The following MAST4 variants were observed in gnomAD, a reference collection of about 807,000 sequenced individuals.
The protein encoded by MAST4 is microtubule-associated serine/threonine-protein kinase 4.
MAST4 carries 89 observed loss-of-function variants against 162.7 expected under a neutral mutation model. The observed-to-expected ratio is 0.55, with a 90% CI of 0.46 to 0.65. MAST4 has a LOEUF of 0.65. Among genes scored for constraint, MAST4 ranks in the 30% least tolerant of loss-of-function variants. The pLI is 0.00. For synonymous variants in MAST4, 1,479 were observed against 1,361.1 expected (o/e 1.09, Z -1.91); for missense variants, 3,153 against 3,374.0 (o/e 0.93, Z 1.62).
intron 5 of MAST4, among the ~76,000 whole-genome samples, chr5:67,069,287 G>GATAGATATATATATATATAT (rs1554091653): frequency 8.4e-5 from 9 of 107,648 alleles, no homozygotes; most frequent in African/African-American, 3.7e-4. Flanking sequence ...GAGGAGATTG[G>GATAGATATATATATATATAT]ATATATATAT....
In MAST4 at chr5:67,142,403, C is replaced by A. The variant is rs771662028; in HGVS notation, c.2618-18C>A. The A allele has an allele frequency of 1.3e-6, 2 of 1,568,118 alleles. No homozygotes were observed. Among genetic ancestry groups the A allele is most frequent in the Admixed American group, 3.7e-5 (2 of 54,622 alleles). On this transcript the variant is annotated intron_variant, in intron 20 of 28. Coordinates refer to ENST00000403625, the MANE Select transcript of MAST4 (RefSeq NM_001164664.2). The stretch of plus-strand genomic sequence containing the variant: ...AAAATCTGAGTAATTGGACCTGTTC[C>A]CAAACATTTCACTGCAGCTCGGTCT...
chr5:66,973,930 T>C (rs1747787646), intron 4 of MAST4, among the ~76,000 whole-genome samples: 2 of 152,338 alleles, frequency 1.3e-5, no homozygotes, highest in South Asian at 2.1e-4. Flanking sequence ...GCAGAAGCTC[T>C]TTAAGCTGGC....
intron 5 of MAST4, among the ~76,000 whole-genome samples, chr5:67,059,567 T>G (rs1390027027): frequency 6.6e-6 from 1 of 152,172 alleles, no homozygotes. Context: ...AGATAAAAAC[T>G]GAGACACAGT....
intron 1 of MAST4, among the ~76,000 whole-genome samples, chr5:66,710,948 C>T (rs1750458691): frequency 6.6e-6 from 1 of 152,134 alleles, no homozygotes; most frequent in Admixed American, 6.5e-5. Flanking sequence ...GCCCGTGTAA[C>T]CAGCACCCAT....
At chr5:67,052,466 A>G (rs1338305512) in intron 4 of MAST4, among the ~76,000 whole-genome samples, 3 of 152,066 alleles carry the variant, frequency 2.0e-5, no homozygotes, top group Non-Finnish European at 4.4e-5. Context: ...CATTTTTTAA[A>G]AAATCTAAAT....
intron 4 of MAST4, among the ~76,000 whole-genome samples, chr5:66,913,871 C>T (rs113905982): frequency 0.01 from 1,555 of 152,224 alleles, 26 homozygotes; most frequent in African/African-American, 0.033. Context: ...TAATCGTTCC[C>T]GCACCATTTG....
At chr5:67,149,011 AT>A (rs1435397276) in intron 23 of MAST4, among the ~76,000 whole-genome samples, 1 of 152,138 alleles carries the variant, frequency 6.6e-6, no homozygotes, top group Non-Finnish European at 1.5e-5. Flanking sequence ...GGGAGGTAAT[AT>A]TTGATTCATG....
At chr5:66,722,568 C>A (rs952655779) in intron 1 of MAST4, among the ~76,000 whole-genome samples, 1 of 151,778 alleles carries the variant, frequency 6.6e-6, no homozygotes, top group Non-Finnish European at 1.5e-5. Flanking sequence ...GGATCTGTGT[C>A]TCTGTTTTTC....
At chr5:66,815,549 G>A (rs1164513005) in intron 3 of MAST4, among the ~76,000 whole-genome samples, 1 of 152,168 alleles carries the variant, frequency 6.6e-6, no homozygotes, top group South Asian at 2.1e-4. Flanking sequence ...CAGGCATCCT[G>A]GAACTTATCC....
intron 1 of MAST4, among the ~76,000 whole-genome samples, chr5:66,650,595 A>G (rs1429662436): frequency 2.0e-5 from 3 of 152,214 alleles, no homozygotes; most frequent in Admixed American, 2.0e-4. Context: ...ATTATAAGCT[A>G]CTGTAATTTT....
chr5:66,813,630 A>T (rs1756579182), intron 3 of MAST4, among the ~76,000 whole-genome samples: 1 of 152,228 alleles, frequency 6.6e-6, no homozygotes, highest in South Asian at 2.1e-4. Context: ...TTTACTTATA[A>T]ATTATCCAAA....
At chr5:66,867,731 C>T (rs1760634349) in intron 3 of MAST4, among the ~76,000 whole-genome samples, 1 of 152,176 alleles carries the variant, frequency 6.6e-6, no homozygotes, top group African/African-American at 2.4e-5. Flanking sequence ...GTGAGGAATC[C>T]ACCTCTTCCT....
intron 14 of MAST4, among the ~76,000 whole-genome samples, chr5:67,129,806 G>A (rs1490786645): frequency 2.0e-5 from 3 of 152,078 alleles, no homozygotes; most frequent in South Asian, 2.1e-4. Context: ...ACTATCTAAC[G>A]CTAGAAAGGA....
intron 3 of MAST4, among the ~76,000 whole-genome samples, chr5:66,843,410 G>A (rs2441109): frequency 0.82 from 125,358 of 152,164 alleles, 51,730 homozygotes; most frequent in Non-Finnish European, 0.85. Flanking sequence ...TGAACAGTTA[G>A]TGCCTTCAGA....
chr5:66,769,787 T>C (rs143288978), intron 2 of MAST4, among the ~76,000 whole-genome samples: 41 of 152,338 alleles, frequency 2.7e-4, no homozygotes, highest in African/African-American at 9.4e-4. Context: ...TTGGCACCAT[T>C]TGAAATTTTT....
At chr5:66,703,648 T>G (rs1397326482) in intron 1 of MAST4, among the ~76,000 whole-genome samples, 10 of 152,302 alleles carry the variant, frequency 6.6e-5, no homozygotes, top group Admixed American at 2.6e-4. Flanking sequence ...ATTCAATGAT[T>G]TTTTAGTAAA....
intron 10 of MAST4, 146 bp from the exon 11 acceptor site, chr5:67,109,952 G>C (rs1373733487): frequency 1.7e-6 from 1 of 585,576 alleles, no homozygotes; most frequent in East Asian, 3.0e-5. Flanking sequence ...TACAGATAAT[G>C]TCTGTTTATC....
intron 12 of MAST4, among the ~76,000 whole-genome samples, chr5:67,116,523 T>G (rs1303289574): frequency 3.3e-5 from 5 of 151,980 alleles, no homozygotes; most frequent in African/African-American, 1.2e-4. Context: ...TAGTTTTTAA[T>G]CTATTTGTTA....
At chr5:66,673,607 A>C (rs909722901) in intron 1 of MAST4, among the ~76,000 whole-genome samples, 2 of 149,506 alleles carry the variant, frequency 1.3e-5, no homozygotes, top group Non-Finnish European at 3.0e-5. Context: ...GCTCACTGCA[A>C]CTTCCACCTC....
Sources: gnomAD v4.1 joint callset for allele counts (sites outside exome capture counted in the v4.1 genomes callset) on GRCh38, gnomAD v4.1.1 for gene constraint, MANE v1.5 for transcripts, NCBI Gene and HGNC (gene_info 2026-07-23, HGNC 2026-07-21) for gene names.